The following APP variants were observed in gnomAD, a reference collection of about 807,000 sequenced individuals.
APP encodes amyloid beta precursor protein.
A neutral mutation model predicts 101.4 loss-of-function variants in APP; 31 were observed. The observed-to-expected ratio is 0.31, with a 90% CI of 0.23 to 0.41. The LOEUF is 0.41. Ranked by LOEUF, APP falls within the 10% of genes least tolerant of loss-of-function variation. The pLI, the probability that APP is intolerant of heterozygous loss-of-function variation, is 1.00. For synonymous variants in APP, 366 were observed against 364.4 expected, an observed-to-expected ratio of 1.00 and a Z score of -0.05; for missense variants, 839 against 1,003.7, an observed-to-expected ratio of 0.84 and a Z score of 2.22.
At chr21:25,902,427 G>A (rs114635030) in intron 15 of APP, among the ~76,000 whole-genome samples, 284 of 151,946 alleles carry the variant, frequency 1.9e-3, no homozygotes, top group African/African-American at 6.5e-3. Context: ...CAGAACACAC[G>A]CATGGCTTAA....
intron 9 of APP, among the ~76,000 whole-genome samples, chr21:25,978,558 A>AT (rs1258006749): frequency 5.9e-5 from 9 of 152,282 alleles, no homozygotes; most frequent in African/African-American, 2.2e-4. Flanking sequence ...GTGGTACCCA[A>AT]TTTTTTATTA....
At chr21:26,108,744 C>T (rs1054783620) in intron 2 of APP, among the ~76,000 whole-genome samples, 5 of 151,906 alleles carry the variant, frequency 3.3e-5, no homozygotes, top group East Asian at 1.9e-4. Flanking sequence ...AAAATCCCGG[C>T]GTGGTGGCAG....
intron 16 of APP, among the ~76,000 whole-genome samples, chr21:25,897,308 G>A (rs1164994692): frequency 6.6e-6 from 1 of 152,088 alleles, no homozygotes; most frequent in Non-Finnish European, 1.5e-5. Flanking sequence ...TAGAGATGGG[G>A]TTTCACCATA....
In APP at chr21:26,078,520, A is replaced by G. The variant is rs1001656323; in HGVS notation, c.355+11423T>C. On this transcript the variant is annotated intron_variant, in intron 3 of 17. Transcript: ENST00000346798. ...GGCTGAAGTTAATTCAGTTAATGCC[A>G]TTATTTTATGTTGTATGTAAGCTAC... Among the ~76,000 whole-genome samples the G allele has an allele frequency of 1.3e-5, 2 of 152,222 alleles. 1 individual carries two copies. The highest frequency in any genetic ancestry group is 2.9e-5 in the Non-Finnish European group (2 of 68,040).
intron 13 of APP, among the ~76,000 whole-genome samples, chr21:25,939,082 G>A (rs930748421): frequency 6.6e-6 from 1 of 152,154 alleles, no homozygotes; most frequent in Non-Finnish European, 1.5e-5. Flanking sequence ...AACTCCTTGG[G>A]CCTTGACCAT....
At chr21:25,987,993 A>G (rs927483266) in intron 8 of APP, among the ~76,000 whole-genome samples, 4 of 151,576 alleles carry the variant, frequency 2.6e-5, no homozygotes, top group Admixed American at 1.3e-4. Flanking sequence ...AAGAGGAAAA[A>G]GAAAAACAGA....
intron 13 of APP, among the ~76,000 whole-genome samples, chr21:25,924,936 A>G (rs192280420): frequency 3.3e-5 from 5 of 152,320 alleles, no homozygotes; most frequent in Admixed American, 3.3e-4. Flanking sequence ...TTTATCTGCA[A>G]CTTCTCCACA....
chr21:25,987,428 C>T (rs569691980), intron 8 of APP, among the ~76,000 whole-genome samples: 2 of 152,216 alleles, frequency 1.3e-5, no homozygotes, highest in East Asian at 1.9e-4. Context: ...GCAATACCAA[C>T]ATCACATGCA....
intron 1 of APP, among the ~76,000 whole-genome samples, chr21:26,130,916 C>A (rs1461726991): frequency 6.6e-6 from 1 of 152,160 alleles, no homozygotes; most frequent in Non-Finnish European, 1.5e-5. Context: ...TTAGACTATG[C>A]CTATTACTGG....
At chr21:25,993,836 C>T (rs1227439276) in intron 8 of APP, among the ~76,000 whole-genome samples, 3 of 152,214 alleles carry the variant, frequency 2.0e-5, no homozygotes, top group African/African-American at 4.8e-5. Context: ...GTGTTAATGG[C>T]ATTTAGTGGG....
chr21:26,139,262 G>A (rs1369767961), intron 1 of APP, among the ~76,000 whole-genome samples: 2 of 152,222 alleles, frequency 1.3e-5, no homozygotes, highest in East Asian at 3.8e-4. Context: ...CAGACCTAGA[G>A]TGAGAATGTA....
intron 5 of APP, 44 bp downstream of exon 5, chr21:26,050,956 A>G (rs2045812715): frequency 6.3e-7 from 1 of 1,597,350 alleles, no homozygotes; most frequent in Non-Finnish European, 8.6e-7. Flanking sequence ...ACTCCATACA[A>G]GATGTTTCAG....
intron 8 of APP, among the ~76,000 whole-genome samples, chr21:25,988,055 G>A (rs527560089): frequency 2.0e-5 from 3 of 152,274 alleles, no homozygotes; most frequent in South Asian, 4.1e-4. Flanking sequence ...AAGGTAGACC[G>A]CAGTAAGTGA....
intron 8 of APP, among the ~76,000 whole-genome samples, chr21:25,992,517 C>T (rs2042908170): frequency 6.6e-6 from 1 of 152,174 alleles, no homozygotes; most frequent in Non-Finnish European, 1.5e-5. Context: ...TGAAGCACTT[C>T]TGGTCCCATT....
chr21:25,892,638 T>G (rs2037771200), intron 16 of APP, among the ~76,000 whole-genome samples: 1 of 152,236 alleles, frequency 6.6e-6, no homozygotes, highest in Non-Finnish European at 1.5e-5. Flanking sequence ...AAATGTTGCT[T>G]TATTCTTGCT....
At chr21:26,161,265 C>A (rs1439029735) in intron 1 of APP, among the ~76,000 whole-genome samples, 1 of 152,188 alleles carries the variant, frequency 6.6e-6, no homozygotes, top group East Asian at 1.9e-4. Context: ...TACAATTATT[C>A]TTTTACAATG....
chr21:26,051,218 TGAGTGGTA>T, intron 4 of APP, 25 bp from the exon 5 acceptor site: 1 of 1,597,074 alleles, frequency 6.3e-7, no homozygotes, highest in South Asian at 1.1e-5. Context: ...GAGAAAACAG[TGAGTGGTA>T]GAGTAGATGT....
chr21:25,901,884 A>C (rs1374304460), intron 15 of APP, among the ~76,000 whole-genome samples: 1 of 152,100 alleles, frequency 6.6e-6, no homozygotes, highest in Non-Finnish European at 1.5e-5. Context: ...GGTGGTGATG[A>C]ATTGTAACAG....
intron 9 of APP, among the ~76,000 whole-genome samples, chr21:25,978,978 G>A (rs1056781078): frequency 5.3e-5 from 8 of 152,044 alleles, no homozygotes; most frequent in Non-Finnish European, 1.0e-4. Flanking sequence ...AAAAACCTAT[G>A]AGTTGGGTCA....
Sources: gnomAD v4.1 joint callset for allele counts (sites outside exome capture counted in the v4.1 genomes callset) on GRCh38, gnomAD v4.1.1 for gene constraint, MANE v1.5 for transcripts, NCBI Gene and HGNC (gene_info 2026-07-23, HGNC 2026-07-21) for gene names.